RFX1: variants seen among roughly 807,000 people sequenced by gnomAD.
RFX1 encodes regulatory factor X1, also known as MHC class II regulatory factor RFX1.
Under a neutral mutation model 119.6 loss-of-function variants are expected in RFX1, and 42 were observed. The observed-to-expected ratio is 0.35, with a 90% confidence interval of 0.27 to 0.45. RFX1 has a LOEUF of 0.45. Ranked by LOEUF, RFX1 falls within the 20% of genes least tolerant of loss-of-function variation. The probability of loss-of-function intolerance (pLI) is 1.00; values close to 1 mark genes in which losing one functional copy is unlikely to be tolerated. For synonymous variants in RFX1, 628 were observed against 618.5 expected (o/e 1.02, Z -0.23); for missense variants, 1,118 against 1,368.1 (o/e 0.82, Z 2.88).
chr19:13,979,655 GC>G, intron 6 of RFX1, 113 bp from the exon 7 acceptor site: 1 of 586,064 alleles, frequency 1.7e-6, no homozygotes, highest in Non-Finnish European at 2.8e-6. Flanking sequence ...TAAGCAAGAG[GC>G]CACCATTCTC....
chr19:14,003,254 G>A (rs1436515766), intron 1 of RFX1, among the ~76,000 whole-genome samples: 2 of 152,122 alleles, frequency 1.3e-5, no homozygotes, highest in East Asian at 3.8e-4. Context: ...TCAAAGTGCT[G>A]GGGGAGTGAG....
At chr19:13,983,323 G>T in intron 3 of RFX1, 53 bp from the exon 4 acceptor site, 2 of 1,448,856 alleles carry the variant, frequency 1.4e-6, no homozygotes, top group Non-Finnish European at 9.3e-7. Flanking sequence ...AGGGAGGCCT[G>T]GCGTGGTTGG....
chr19:13,990,820 G>GA lies in RFX1; in HGVS notation c.319+2704dup, dbSNP rs76722725. 1.6e-3 allele frequency among the ~76,000 whole-genome samples: 206 copies of GA among 131,516 alleles called. No homozygotes were observed. Among genetic ancestry groups the GA allele is most frequent in the Non-Finnish European group, 1.7e-3 (104 of 60,380 alleles). 86.3% of individuals were successfully genotyped at this position (131,516 alleles called of 152,430 possible). The stretch of plus-strand genomic sequence containing the variant: ...TGTCAGAGCGAGACTTTGTCTCAAA[G>GA]AAAAAAAAAAAAATTACCTGGGTGT... On this transcript the variant is annotated intron_variant, in intron 2 of 20. Coordinates refer to ENST00000254325, the MANE Select transcript of RFX1 (RefSeq NM_002918.5). The surrounding 1 kb of genome is among the most constrained non-coding windows in gnomAD (Gnocchi z 4.1).
chr19:13,983,584 G>C lies in RFX1; in HGVS notation c.331C>G (p.Arg111Gly), dbSNP rs748847129. ...GCCTCCGACACTGTCTCGCTGGCCC[G>C]CATGGCACCTTCTGTGGGGAGGGGC... is the stretch of plus-strand genomic sequence containing the variant. Reference protein sequence around the residue: ...IVVTVSEGAMRASETVSEASP... With the variant: ...IVVTVSEGAMGASETVSEASP... Residue 111 changes from arginine (R) to glycine (G), a missense_variant, in exon 3 of 21, where the codon CGG (arginine) becomes GGG (glycine). Around this residue, in one of 5 missense-constraint regions of RFX1, gnomAD observed 542 missense variants for 602.7 expected, o/e 0.90. Transcript: ENST00000254325. 1.2e-5 allele frequency: 20 copies of C among 1,602,590 alleles called. No individual in the cohort carries two copies. In the Admixed American group the frequency reaches 3.2e-4, roughly 26 times the overall value.
chr19:13,981,139 C>A (rs894784048), intron 5 of RFX1, among the ~76,000 whole-genome samples: 3 of 152,248 alleles, frequency 2.0e-5, no homozygotes, highest in African/African-American at 7.2e-5. Flanking sequence ...CCCTGGGTCA[C>A]ATGGCTGCAG....
intron 1 of RFX1, among the ~76,000 whole-genome samples, chr19:13,997,751 C>G (rs1482884301): frequency 6.6e-6 from 1 of 152,164 alleles, no homozygotes; most frequent in Non-Finnish European, 1.5e-5. Flanking sequence ...CAGGTGAGGT[C>G]ATTCTGGTAG....
intron 7 of RFX1, among the ~76,000 whole-genome samples, chr19:13,978,639 CGTCG>C (rs1202662354): frequency 6.6e-6 from 1 of 152,078 alleles, no homozygotes; most frequent in Non-Finnish European, 1.5e-5. Context: ...TAGACCGACC[CGTCG>C]GGCGGAGGTG....
Position 13,963,692 on chromosome 19 carries a change from G to T in RFX1, c.2416C>A (p.Gln806Lys). The T allele has an allele frequency of 1.9e-6, 3 of 1,604,408 alleles. No individual in the cohort carries two copies. The highest frequency in any genetic ancestry group is 2.5e-6 in the Non-Finnish European group (3 of 1,177,794). The change falls in exon 18 of 21, where the codon CAG becomes AAG. Residue 806 changes from glutamine (Q) to lysine (K), a missense_variant. This residue lies in a region of RFX1 where 68 missense variants were observed against 67.2 expected (regional missense o/e 1.01). Transcript: ENST00000254325. ...CEDRVVQRLE[Q>K]DFKVTLQQQN... Reference sequence around the variant, plus strand: ...TGCTGCAGCGTCACCTTGAAGTCCTGCTCCAGCCGCTGCACCACGCGGTCC... The same window carrying T: ...TGCTGCAGCGTCACCTTGAAGTCCTTCTCCAGCCGCTGCACCACGCGGTCC...
rs1413831350 is a variant in RFX1 at position 13,986,264 on chromosome 19, T to C, written c.320-2669A>G. Among the ~76,000 whole-genome samples, 1 of 152,120 alleles carries C rather than the reference T, an allele frequency of 6.6e-6. No individual in the cohort carries two copies. Among genetic ancestry groups the C allele is most frequent in the Non-Finnish European group, 1.5e-5 (1 of 67,990 alleles). On this transcript the variant is annotated intron_variant, in intron 2 of 20. Coordinates refer to ENST00000254325, the MANE Select transcript of RFX1 (RefSeq NM_002918.5). This position sits in a 1 kb window ranked among gnomAD's most constrained non-coding sequence, Gnocchi z 4.2. ...CCCACCCTCTCCAGGGCTCAGGGGC[T>C]GGTCGCTGAGCAGGACCTACAGCAG...
Position 13,979,474 on chromosome 19 carries a change from G to A in RFX1, c.807C>T (p.Gly269=). Residue 269 remains glycine (G), a synonymous_variant, in exon 7 of 21, where the codon GGC becomes GGT. Transcript: ENST00000254325. The stretch of plus-strand genomic sequence containing the variant: ...CTTGAGCCACGTGGACTGGCTGGAG[G>A]CCCTGCACGGTCAGCGGCTGCACCG... ...PGPVQPLTVQ[G]LQPVHVAQEV... The A allele has an allele frequency of 6.3e-7, 1 of 1,599,976 alleles. No individual in the cohort carries two copies.
At chr19:13,962,924 T>G in intron 20 of RFX1, 60 bp from the exon 21 acceptor site, 1 of 1,544,486 alleles carries the variant, frequency 6.5e-7, no homozygotes, top group South Asian at 1.2e-5. Context: ...GGGCTCCTCC[T>G]CCTCCCGAGC....
Position 13,965,869 on chromosome 19 carries a change from C to G in RFX1, c.1962-92G>C. 1.4e-6 allele frequency: 2 copies of G among 1,457,040 alleles called. No individual in the cohort carries two copies. Among genetic ancestry groups the G allele is most frequent in the Non-Finnish European group, 1.9e-6 (2 of 1,065,708 alleles). The allele number at this position is 1,457,040 out of a possible 1,614,324, so 90.3% of individuals were successfully genotyped here. On this transcript the variant is annotated intron_variant, in intron 14 of 20. Transcript: ENST00000254325. The surrounding 1 kb of genome is among the most constrained non-coding windows in gnomAD (Gnocchi z 4.7). Reference sequence around the variant, plus strand: ...GAACAGGTAGCCCCTGTCCCTGACCCAGGGTCACTGGGGTACTCTGTGGTT... The same window carrying G: ...GAACAGGTAGCCCCTGTCCCTGACCGAGGGTCACTGGGGTACTCTGTGGTT...
rs373528608 is a variant in RFX1, at chr19:13,966,559, C to G, written c.1852-29G>C. ...TGGCAGAGGCGGATGCTCAGGGAGGCTGGGGGGCAGCATGGCCCTCCCATG... is the reference window on the plus strand; with the variant it reads ...TGGCAGAGGCGGATGCTCAGGGAGGGTGGGGGGCAGCATGGCCCTCCCATG... On this transcript the variant is annotated intron_variant, in intron 13 of 20. Coordinates refer to ENST00000254325, the MANE Select transcript of RFX1 (RefSeq NM_002918.5). This position sits in a 1 kb window ranked among gnomAD's most constrained non-coding sequence, Gnocchi z 6.3. 1.3e-6 allele frequency: 2 copies of G among 1,539,162 alleles called. No homozygotes were observed. Among genetic ancestry groups the G allele is most frequent in the African/African-American group, 1.4e-5 (1 of 72,880 alleles).
chr19:13,982,936 C>T (rs2145591404), intron 4 of RFX1: 2 of 523,626 alleles, frequency 3.8e-6, no homozygotes, highest in South Asian at 4.8e-5. Context: ...GTTGGACCCG[C>T]AAACCACCTT....
At chr19:13,977,101 C>T (rs1303649777) in intron 8 of RFX1, among the ~76,000 whole-genome samples, 5 of 151,652 alleles carry the variant, frequency 3.3e-5, no homozygotes, top group Non-Finnish European at 7.4e-5. Context: ...TGAAGACCAG[C>T]CTGACCAACA....
intron 2 of RFX1, among the ~76,000 whole-genome samples, chr19:13,987,886 A>AGG (rs1712076790): frequency 6.6e-6 from 1 of 152,188 alleles, no homozygotes; most frequent in South Asian, 2.1e-4. Flanking sequence ...ATGGGTACAG[A>AGG]GTACCCTCCT....
Position 13,965,909 on chromosome 19 carries a change from A to T in RFX1, c.1962-132T>A. 1 of 1,091,520 alleles carries T rather than the reference A, an allele frequency of 9.2e-7. No homozygotes were observed. The highest frequency in any genetic ancestry group is 1.5e-5 in the South Asian group (1 of 66,154). The allele number at this position is 1,091,520 out of a possible 1,614,324, so 67.6% of individuals were successfully genotyped here. ...ACTCTGTGGTTCTACCCCCAGCATC[A>T]GAAGGCACAGGTACCCCCTTACCCC... On this transcript the variant is annotated intron_variant, in intron 14 of 20. Transcript: ENST00000254325. The surrounding 1 kb of genome is among the most constrained non-coding windows in gnomAD (Gnocchi z 4.7).
chr19:13,962,321 T>G lies in RFX1; in HGVS notation c.*374A>C. 3 of 248,536 alleles carry G rather than the reference T, an allele frequency of 1.2e-5. No homozygotes were observed. Among genetic ancestry groups the G allele is most frequent in the Non-Finnish European group, 2.3e-5 (3 of 129,054 alleles). The allele number at this position is 248,536 out of a possible 1,614,324, so 15.4% of individuals were successfully genotyped here. On this transcript the variant is annotated 3_prime_UTR_variant, in exon 21 of 21. Transcript: ENST00000254325. ...GGCTGTGCAAAGCCAGCGAGCTGAA[T>G]AAGTTAACAGTTTCGCACGGGAGGG...
chr19:13,970,262 C>A, intron 9 of RFX1, 87 bp from the exon 10 acceptor site: 1 of 1,216,380 alleles, frequency 8.2e-7, no homozygotes, highest in African/African-American at 1.5e-5. Flanking sequence ...ACATCGACTT[C>A]CAGCTGGGAT....
Sources: allele counts gnomAD v4.1 joint callset (sites outside exome capture counted in the v4.1 genomes callset), GRCh38; gene constraint gnomAD v4.1.1; regional missense constraint gnomAD v4.1.1; non-coding constraint Gnocchi (gnomAD v3.1); transcripts MANE v1.5; gene names NCBI Gene and HGNC (gene_info 2026-07-23, HGNC 2026-07-21).